The following STK32A variants were observed in gnomAD, a reference collection of about 807,000 sequenced individuals.
STK32A encodes the protein serine/threonine-protein kinase 32A.
STK32A carries 41 observed loss-of-function variants against 53.2 expected under a neutral mutation model. That is an observed-to-expected ratio of 0.77 (90% CI 0.60 to 1.00). The LOEUF is 1.00. Ranked by LOEUF, STK32A falls within the 50% of genes least tolerant of loss-of-function variation. STK32A has a pLI of 0.00. For missense variants in STK32A, 458 were observed against 485.8 expected (o/e 0.94, Z 0.54); for synonymous variants, 166 against 162.8 (o/e 1.02, Z -0.15).
At chr5:147,316,404 G>A (rs1255028817) in intron 4 of STK32A, among the ~76,000 whole-genome samples, 2 of 152,114 alleles carry the variant, frequency 1.3e-5, no homozygotes, top group Non-Finnish European at 2.9e-5. Context: ...CCAGCAATAT[G>A]TTTTCATATT....
intron 2 of STK32A, among the ~76,000 whole-genome samples, chr5:147,244,065 T>TA (rs5872013): frequency 0.41 from 62,413 of 151,942 alleles, 12,952 homozygotes; most frequent in Admixed American, 0.45. Flanking sequence ...CAGTCCCTGT[T>TA]AACAACCATT....
chr5:147,265,779 C>A (rs1754777792), intron 2 of STK32A, among the ~76,000 whole-genome samples: 1 of 152,108 alleles, frequency 6.6e-6, no homozygotes, highest in African/African-American at 2.4e-5. Context: ...TCTTTATCTT[C>A]TTGGTGTGAC....
At chr5:147,345,414 GA>G (rs886413357) in intron 6 of STK32A, among the ~76,000 whole-genome samples, 12 of 152,092 alleles carry the variant, frequency 7.9e-5, no homozygotes, top group Non-Finnish European at 1.5e-4. Context: ...TCTTTCCTTG[GA>G]AAGGAAGCTG....
chr5:147,314,632 A>G (rs1753897027), intron 4 of STK32A, among the ~76,000 whole-genome samples: 1 of 152,070 alleles, frequency 6.6e-6, no homozygotes, highest in African/African-American at 2.4e-5. Context: ...TAAAAGATAA[A>G]TAAATGGTCA....
downstream of STK32A, chr5:147,391,699 T>C (rs1757808763): frequency 6.6e-6 from 1 of 152,258 alleles, no homozygotes; most frequent in African/African-American, 2.4e-5. Context: ...TTTAAAATAG[T>C]GGGAGTTATT....
At chr5:147,370,517 C>T (rs893269108) in intron 8 of STK32A, 137 bp from the exon 9 acceptor site, 14 of 493,912 alleles carry the variant, frequency 2.8e-5, no homozygotes, top group South Asian at 1.2e-4. Context: ...CATATGGCAA[C>T]GCAAGAGTCA....
chr5:147,401,241 C>T, the STK32A span, among the ~76,000 whole-genome samples: 15 of 152,174 alleles, frequency 9.9e-5, no homozygotes, highest in African/African-American at 3.1e-4. Context: ...GAGTGCCTCA[C>T]TCATAAAGTT....
chr5:147,260,132 T>TC (rs1754452621), intron 2 of STK32A, among the ~76,000 whole-genome samples: 2 of 141,632 alleles, frequency 1.4e-5, no homozygotes, highest in Non-Finnish European at 3.1e-5. Context: ...CTCTCTCTTC[T>TC]CTGTCTCTCT....
At position 147,350,983 on chromosome 5, in the gene STK32A, T is replaced by A. The variant is rs1342659459; in HGVS notation, c.473-82T>A. On this transcript the variant is annotated intron_variant, in intron 6 of 12. Transcript: ENST00000397936. The stretch of plus-strand genomic sequence containing the variant: ...GGCCTACAAGAATTAACAGACTAAT[T>A]GGGTGTTTTCAGTTAAAAGCATGAT... The A allele has an allele frequency of 5.2e-6, 6 of 1,147,612 alleles. No homozygotes were observed. In the East Asian group the frequency reaches 1.4e-4, roughly 28 times the overall value. The allele number at this position is 1,147,612 out of a possible 1,614,324, so 71.1% of individuals were successfully genotyped here.
chr5:147,377,990 A>G (rs548527242), intron 11 of STK32A, among the ~76,000 whole-genome samples: 1 of 152,280 alleles, frequency 6.6e-6, no homozygotes, highest in Non-Finnish European at 1.5e-5. Flanking sequence ...GAAGAATCAG[A>G]AAGATTATGA....
chr5:147,240,581 A>T (rs768756893), intron 2 of STK32A, among the ~76,000 whole-genome samples: 1 of 152,200 alleles, frequency 6.6e-6, no homozygotes, highest in Non-Finnish European at 1.5e-5. Context: ...AAGTGAGGAG[A>T]TAGGTTCCTT....
chr5:147,399,066 C>G, the STK32A span: 1 of 1,612,970 alleles, frequency 6.2e-7, no homozygotes, highest in Admixed American at 1.7e-5. Context: ...TCCACTCCCA[C>G]CAGAGCGGGC....
At chr5:147,378,577 G>A (rs1490322421) in intron 11 of STK32A, among the ~76,000 whole-genome samples, 1 of 152,058 alleles carries the variant, frequency 6.6e-6, no homozygotes, top group Admixed American at 6.6e-5. Flanking sequence ...ACTGTGTGTA[G>A]CTCAGAGTCA....
chr5:147,350,688 A>T (rs142623619), intron 6 of STK32A, among the ~76,000 whole-genome samples: 1 of 152,172 alleles, frequency 6.6e-6, no homozygotes, highest in East Asian at 1.9e-4. Flanking sequence ...TTTAAAAAAA[A>T]TAATCCCATA....
chr5:147,373,346 G>C (rs185870114), intron 10 of STK32A, 52 bp downstream of exon 10: 1 of 1,600,632 alleles, frequency 6.2e-7, no homozygotes, highest in South Asian at 1.1e-5. Context: ...CGCATTACCC[G>C]GTGTGCCAGA....
At chr5:147,344,831 G>A (rs1436200991) in intron 6 of STK32A, among the ~76,000 whole-genome samples, 2 of 152,142 alleles carry the variant, frequency 1.3e-5, no homozygotes, top group Non-Finnish European at 2.9e-5. Flanking sequence ...TTAAATGAAG[G>A]CATATAGGTC....
rs544357159 is a variant in STK32A at position 147,287,288 on chromosome 5, G to T, written c.260+7890G>T. Among the ~76,000 whole-genome samples the T allele has an allele frequency of 3.3e-5, 5 of 152,162 alleles. No homozygotes were observed. The South Asian group carries it at 8.3e-4, about 25-fold the overall frequency. ...TTCATTTTATTTTACATTTTAATGCGTCCATTATGTTAAGTGGTGTTTCTT... is the reference window on the plus strand; with the variant it reads ...TTCATTTTATTTTACATTTTAATGCTTCCATTATGTTAAGTGGTGTTTCTT... On this transcript the variant is annotated intron_variant, in intron 4 of 12. Transcript: ENST00000397936.
At chr5:147,312,190 C>G (rs1210410326) in intron 4 of STK32A, among the ~76,000 whole-genome samples, 1 of 152,164 alleles carries the variant, frequency 6.6e-6, no homozygotes, top group East Asian at 1.9e-4. Context: ...AACCTCTGCC[C>G]CCCAGGTTCA....
At position 147,322,423 on chromosome 5, in the gene STK32A, C is replaced by CT. The variant is rs199951032; in HGVS notation, c.261-1467dup. ...CTCAGATTAATGCTTCGTTGAATTT[C>CT]TTTTTTTTCTGGTGTTTGTAAGTAT... On this transcript the variant is annotated intron_variant, in intron 4 of 12. Coordinates refer to ENST00000397936, the MANE Select transcript of STK32A (RefSeq NM_001112724.2). Among the ~76,000 whole-genome samples, 635 of 152,070 alleles carry CT rather than the reference C, an allele frequency of 4.2e-3. 5 individuals are homozygous for CT. Among genetic ancestry groups the CT allele is most frequent in the Middle Eastern group, 0.014 (4 of 294 alleles).
Sources: gnomAD v4.1 joint callset for allele counts (sites outside exome capture counted in the v4.1 genomes callset) on GRCh38, gnomAD v4.1.1 for gene constraint, MANE v1.5 for transcripts, NCBI Gene and HGNC (gene_info 2026-07-23, HGNC 2026-07-21) for gene names.